SGCD: variants seen among roughly 807,000 people sequenced by gnomAD.
SGCD encodes the protein delta-sarcoglycan.
In SGCD, 18 loss-of-function variants were observed where a neutral mutation model predicts 36.6. That is an observed-to-expected ratio of 0.49 (90% confidence interval 0.34 to 0.73). The LOEUF is 0.73. SGCD is among the 30% of genes least tolerant of loss of function. SGCD has a pLI of 0.01. For missense variants in SGCD, 387 were observed against 346.7 expected, an observed-to-expected ratio of 1.12 and a Z score of -0.92; for synonymous variants, 133 against 130.6, an observed-to-expected ratio of 1.02 and a Z score of -0.12.
chr5:156,452,074 C>A (rs1274788942), intron 3 of SGCD, among the ~76,000 whole-genome samples: 1 of 152,152 alleles, frequency 6.6e-6, no homozygotes, highest in Non-Finnish European at 1.5e-5. Flanking sequence ...CCATTCCAGG[C>A]AGTCTTACTC....
intron 3 of SGCD, among the ~76,000 whole-genome samples, chr5:156,181,366 T>TTA (rs1763601645): frequency 6.6e-6 from 1 of 152,200 alleles, no homozygotes; most frequent in East Asian, 1.9e-4. Context: ...CTAAAAAACT[T>TTA]GCTATCATTA....
chr5:155,753,334 T>TCAAAAAAAAAAAAAAAAAAAAAAAAA, the SGCD span, among the ~76,000 whole-genome samples: 19 of 135,906 alleles, frequency 1.4e-4, 6 homozygotes, highest in African/African-American at 6.7e-4. Context: ...AGACTTTGTC[T>TCAAAAAAAAAAAAAAAAAAAAAAAAA]AAAAAAAAAA....
At chr5:156,597,397 C>G (rs751207643) in intron 6 of SGCD, among the ~76,000 whole-genome samples, 1 of 151,868 alleles carries the variant, frequency 6.6e-6, no homozygotes, top group Non-Finnish European at 1.5e-5. Flanking sequence ...ACAATCATGA[C>G]AGAAAGCAAA....
At chr5:156,574,508 A>C (rs1252526076) in intron 4 of SGCD, among the ~76,000 whole-genome samples, 1 of 152,140 alleles carries the variant, frequency 6.6e-6, no homozygotes, top group African/African-American at 2.4e-5. Context: ...TGGTTCAGAA[A>C]TAGCACAGCT....
rs1169312827 is a variant in SGCD, at chr5:156,767,467, AT to A, written c.*8080del. On this transcript the variant is annotated 3_prime_UTR_variant, in exon 9 of 9. Transcript: ENST00000337851. ...AAAATGGTGAGGTCATGGAAGTCCC[AT>A]TTGCTTGGAGATTTTGAAAAAAAAA... 8.1e-6 allele frequency: 1 copy of A among 122,706 alleles called. No individual in the cohort carries two copies. The highest frequency in any genetic ancestry group is 1.6e-5 in the Non-Finnish European group (1 of 61,514). 7.6% of individuals were successfully genotyped at this position (122,706 alleles called of 1,614,324 possible). A position where few individuals can be genotyped will look rare whatever the true frequency, so the allele number is the denominator to read the frequency against.
intron 7 of SGCD, among the ~76,000 whole-genome samples, chr5:156,754,392 GA>G (rs1300946114): frequency 6.6e-6 from 1 of 152,120 alleles, no homozygotes; most frequent in Non-Finnish European, 1.5e-5. Context: ...TGATATTGCT[GA>G]AGTAGACCGT....
intron 1 of SGCD, among the ~76,000 whole-genome samples, chr5:155,977,987 G>A (rs4512121): frequency 0.33 from 50,611 of 151,938 alleles, 8,575 homozygotes; most frequent in South Asian, 0.46. Flanking sequence ...CCAGCTACTC[G>A]GGATCCTGAG....
At chr5:156,601,243 C>T (rs1211240827) in intron 6 of SGCD, among the ~76,000 whole-genome samples, 2 of 152,136 alleles carry the variant, frequency 1.3e-5, no homozygotes, top group Non-Finnish European at 2.9e-5. Flanking sequence ...TTTCTCTACG[C>T]TTTCTTCTAG....
intron 3 of SGCD, among the ~76,000 whole-genome samples, chr5:156,238,440 C>A (rs1765222459): frequency 6.6e-6 from 1 of 152,136 alleles, no homozygotes; most frequent in South Asian, 2.1e-4. Context: ...TGGGCAACTG[C>A]TTTTGCCTCA....
intron 1 of SGCD, among the ~76,000 whole-genome samples, chr5:155,971,160 T>G (rs567628996): frequency 1.3e-5 from 2 of 152,178 alleles, no homozygotes; most frequent in Admixed American, 6.6e-5. Context: ...GAAGGAAGAC[T>G]GAGGAAGTAT....
At position 155,969,341 on chromosome 5, in the gene SGCD, G is replaced by T. The variant is rs75262759; in HGVS notation, c.-282+98917G>T. Among the ~76,000 whole-genome samples, 319 of 152,208 alleles carry T rather than the reference G, an allele frequency of 2.1e-3. 2 individuals carry two copies. The highest frequency in any genetic ancestry group is 7.2e-3 in the African/African-American group (299 of 41,554). On this transcript the variant is annotated intron_variant, in intron 1 of 9. Transcript: ENST00000517913. ...GCAAAGGTATTCAGTTAGAATTAAA[G>T]CATAATGGTGATTTATATGTGTTTG...
At chr5:156,633,208 T>G (rs76711652) in intron 6 of SGCD, among the ~76,000 whole-genome samples, 15,796 of 152,242 alleles carry the variant, frequency 0.1, 932 homozygotes, top group Non-Finnish European at 0.12. Flanking sequence ...GTGTTAGTTA[T>G]TATTGTCAAG....
intron 1 of SGCD, among the ~76,000 whole-genome samples, chr5:155,913,585 C>A (rs1010184307): frequency 4.6e-5 from 7 of 151,852 alleles, no homozygotes; most frequent in African/African-American, 1.5e-4. Flanking sequence ...ATATATTATC[C>A]CTTCTTGTTA....
chr5:156,546,321 TC>T (rs1758569110), intron 4 of SGCD, among the ~76,000 whole-genome samples: 1 of 152,230 alleles, frequency 6.6e-6, no homozygotes, highest in East Asian at 1.9e-4. Context: ...TCACTTTCTT[TC>T]TTCTACTCTT....
chr5:155,781,704 C>G, the SGCD span, among the ~76,000 whole-genome samples: 1 of 152,084 alleles, frequency 6.6e-6, no homozygotes, highest in Non-Finnish European at 1.5e-5. Context: ...CTCCCAGACT[C>G]AAGTGATCAG....
intron 3 of SGCD, among the ~76,000 whole-genome samples, chr5:156,271,866 A>G (rs1766190990): frequency 6.6e-6 from 1 of 152,196 alleles, no homozygotes. Context: ...GAACACCAAC[A>G]TTCTGATAAA....
At chr5:156,463,472 C>T (rs577107116) in intron 3 of SGCD, among the ~76,000 whole-genome samples, 2 of 151,954 alleles carry the variant, frequency 1.3e-5, no homozygotes, top group African/African-American at 4.8e-5. Context: ...CTTTGAGGCA[C>T]AATTTTTTTT....
intron 4 of SGCD, among the ~76,000 whole-genome samples, chr5:156,576,205 C>G (rs1759943263): frequency 6.6e-6 from 1 of 151,924 alleles, no homozygotes; most frequent in Non-Finnish European, 1.5e-5. Context: ...ATAGTTTGCT[C>G]AGAATGATGG....
chr5:156,427,167 AT>A (rs1773708732), intron 3 of SGCD, among the ~76,000 whole-genome samples: 1 of 152,172 alleles, frequency 6.6e-6, no homozygotes, highest in Admixed American at 6.6e-5. Flanking sequence ...GATTCTACCC[AT>A]CCATTAGCAT....
Sources: gnomAD v4.1 joint callset for allele counts (sites outside exome capture counted in the v4.1 genomes callset) on GRCh38, gnomAD v4.1.1 for gene constraint, MANE v1.5 for transcripts, NCBI Gene and HGNC (gene_info 2026-07-23, HGNC 2026-07-21) for gene names.